SLC25A13: variants seen among roughly 807,000 people sequenced by gnomAD.
SLC25A13 encodes the protein electrogenic aspartate/glutamate antiporter SLC25A13, mitochondrial.
In SLC25A13, 70 loss-of-function variants were observed where a neutral mutation model predicts 85.5. That is an observed-to-expected ratio of 0.82 (90% confidence interval 0.68 to 1.00). SLC25A13 has a LOEUF of 1.00. SLC25A13 is among the 50% of genes least tolerant of loss of function. SLC25A13 has a pLI of 0.00. For synonymous variants in SLC25A13, 259 were observed against 288.7 expected (o/e 0.90, Z 1.04); for missense variants, 765 against 819.8 (o/e 0.93, Z 0.82).
chr7:96,264,537 T>C (rs1797976624), intron 3 of SLC25A13, among the ~76,000 whole-genome samples: 1 of 152,234 alleles, frequency 6.6e-6, no homozygotes, highest in Non-Finnish European at 1.5e-5. Context: ...TCTCAGGACC[T>C]CTTAACACAG....
rs773725913 is a variant in SLC25A13 at position 96,178,123 on chromosome 7, G to A, written c.1177+6154C>T. On this transcript the variant is annotated intron_variant, in intron 11 of 17. Transcript: ENST00000265631. ...TGAATATTAGACTCCTTAAAACCTC[G>A]AAGGCACTGAATGTCAGAGCCAAGC... 1.6e-4 allele frequency among the ~76,000 whole-genome samples: 25 copies of A among 152,086 alleles called. 1 individual carries two copies. The highest frequency in any genetic ancestry group is 4.1e-4 in the South Asian group (2 of 4,820).
In SLC25A13 at chr7:96,316,705, T is replaced by G. The variant is rs1018511870; in HGVS notation, c.15+5237A>C. Among the ~76,000 whole-genome samples, 5 of 152,270 alleles carry G rather than the reference T, an allele frequency of 3.3e-5. No individual in the cohort carries two copies. In the East Asian group the frequency reaches 7.7e-4, roughly 23 times the overall value. The stretch of plus-strand genomic sequence containing the variant: ...ACTTCTTAGAATTAAGAAAATTAAT[T>G]GAGTTACTATTTGTAAGGCTCTTGG... On this transcript the variant is annotated intron_variant, in intron 1 of 17. Coordinates refer to ENST00000265631, the MANE Select transcript of SLC25A13 (RefSeq NM_014251.3).
At chr7:96,127,341 T>C (rs1791771387) in intron 15 of SLC25A13, among the ~76,000 whole-genome samples, 1 of 152,180 alleles carries the variant, frequency 6.6e-6, no homozygotes, top group Admixed American at 6.5e-5. Context: ...CCAATGAACA[T>C]GAATTCAAAT....
intron 11 of SLC25A13, among the ~76,000 whole-genome samples, chr7:96,175,809 G>T (rs1002198063): frequency 9.9e-5 from 15 of 152,192 alleles, no homozygotes; most frequent in African/African-American, 3.1e-4. Flanking sequence ...GGAGTTTAAG[G>T]TAATATATTA....
At chr7:96,258,445 G>A (rs1797723526) in intron 3 of SLC25A13, among the ~76,000 whole-genome samples, 1 of 152,118 alleles carries the variant, frequency 6.6e-6, no homozygotes, top group Non-Finnish European at 1.5e-5. Flanking sequence ...GCCAGATCAT[G>A]AGCAAACTCC....
intron 3 of SLC25A13, among the ~76,000 whole-genome samples, chr7:96,244,926 G>A (rs905065281): frequency 6.6e-6 from 1 of 151,928 alleles, no homozygotes; most frequent in Non-Finnish European, 1.5e-5. Flanking sequence ...TATCACCTCT[G>A]CATATATCAC....
intron 2 of SLC25A13, among the ~76,000 whole-genome samples, chr7:96,282,783 C>T (rs1460582436): frequency 1.3e-5 from 2 of 152,084 alleles, no homozygotes; most frequent in Non-Finnish European, 2.9e-5. Context: ...GTTTACTATT[C>T]TATTTTCTGT....
chr7:96,227,737 C>T (rs1042848705), intron 4 of SLC25A13, among the ~76,000 whole-genome samples: 2 of 152,152 alleles, frequency 1.3e-5, no homozygotes, highest in Non-Finnish European at 2.9e-5. Context: ...GAATCTTGAC[C>T]TTTACCTTTA....
intron 11 of SLC25A13, among the ~76,000 whole-genome samples, chr7:96,182,917 A>G (rs1794474380): frequency 6.6e-6 from 1 of 152,176 alleles, no homozygotes; most frequent in Admixed American, 6.5e-5. Context: ...GAGACTCGAG[A>G]TTTCCCTTCC....
At position 96,121,942 on chromosome 7, in the gene SLC25A13, C is replaced by T. The variant is rs2116384374; in HGVS notation, c.1647G>A (p.Gln549=). ...TGGTTTGGCCAGCCCGGGCAGCCAC[C>T]TGTAATCTCGTCTTGATAACATCAG... ...TPADVIKTRL[Q]VAARAGQTTY... The change falls in exon 16 of 18, where the codon CAG becomes CAA. Residue 549 remains glutamine, a synonymous_variant. Transcript: ENST00000265631. 6.2e-7 allele frequency: 1 copy of T among 1,614,182 alleles called. No individual in the cohort carries two copies. Among genetic ancestry groups the T allele is most frequent in the Middle Eastern group, 1.6e-4 (1 of 6,062 alleles).
intron 3 of SLC25A13, among the ~76,000 whole-genome samples, chr7:96,246,004 A>T (rs1797175747): frequency 6.6e-6 from 1 of 152,268 alleles, no homozygotes; most frequent in African/African-American, 2.4e-5. Context: ...CTGAAAAGCC[A>T]GCAGGCATAT....
intron 15 of SLC25A13, among the ~76,000 whole-genome samples, chr7:96,127,926 A>T (rs1444268540): frequency 1.3e-5 from 2 of 152,154 alleles, no homozygotes; most frequent in Non-Finnish European, 2.9e-5. Flanking sequence ...CCACAAAGGG[A>T]ATGTGGGGGC....
Position 96,140,683 on chromosome 7 carries a change from G to A in SLC25A13, c.1452+5873C>T, listed in dbSNP as rs920817933. 5.3e-5 allele frequency among the ~76,000 whole-genome samples: 8 copies of A among 151,610 alleles called. No individual in the cohort carries two copies. In the South Asian group the frequency reaches 8.3e-4, roughly 16 times the overall value. The stretch of plus-strand genomic sequence containing the variant: ...CTCCCACAGTGCTGGGATTACAGGC[G>A]TCAGGCACCGCGCCTGGCCTACCAC... On this transcript the variant is annotated intron_variant, in intron 14 of 17. Coordinates refer to ENST00000265631, the MANE Select transcript of SLC25A13 (RefSeq NM_014251.3).
At chr7:96,306,230 A>G (rs541863517) in intron 1 of SLC25A13, among the ~76,000 whole-genome samples, 22 of 152,370 alleles carry the variant, frequency 1.4e-4, no homozygotes, top group Middle Eastern at 3.4e-3. Flanking sequence ...AAGAAAGCAC[A>G]GTATTGAGCA....
intron 3 of SLC25A13, among the ~76,000 whole-genome samples, chr7:96,261,889 G>GAAGAGGACCAA (rs1797867117): frequency 6.6e-6 from 1 of 152,148 alleles, no homozygotes; most frequent in Non-Finnish European, 1.5e-5. Context: ...AAGAGACGGG[G>GAAGAGGACCAA]AAGAGGACCA....
chr7:96,236,936 T>C (rs1367790513), intron 3 of SLC25A13, among the ~76,000 whole-genome samples: 2 of 152,200 alleles, frequency 1.3e-5, no homozygotes, highest in Non-Finnish European at 2.9e-5. Flanking sequence ...TCTTCTCCTG[T>C]TGAGTAACCT....
intron 1 of SLC25A13, among the ~76,000 whole-genome samples, chr7:96,310,463 C>G (rs753886155): frequency 5.3e-5 from 8 of 152,210 alleles, no homozygotes; most frequent in Non-Finnish European, 1.0e-4. Flanking sequence ...CAGTCGGTAA[C>G]ATAATGCTAG....
At chr7:96,138,685 T>C (rs950804193) in intron 14 of SLC25A13, among the ~76,000 whole-genome samples, 10 of 152,164 alleles carry the variant, frequency 6.6e-5, no homozygotes, top group East Asian at 1.9e-4. Flanking sequence ...CCCCTTAACA[T>C]AGATCATTTT....
intron 15 of SLC25A13, among the ~76,000 whole-genome samples, chr7:96,129,634 T>G (rs1466815149): frequency 6.6e-6 from 1 of 152,218 alleles, no homozygotes; most frequent in African/African-American, 2.4e-5. Context: ...TTATGGAACA[T>G]TTTTGAATAC....
Sources: allele counts gnomAD v4.1 joint callset (sites outside exome capture counted in the v4.1 genomes callset), GRCh38; gene constraint gnomAD v4.1.1; transcripts MANE v1.5; gene names NCBI Gene and HGNC (gene_info 2026-07-23, HGNC 2026-07-21).